EYS: variants seen among roughly 807,000 people sequenced by gnomAD.
EYS encodes protein eyes shut homolog.
A neutral mutation model predicts 282.1 loss-of-function variants in EYS; 250 were observed. The observed-to-expected ratio is 0.89, with a 90% CI of 0.80 to 0.98. The LOEUF (loss-of-function observed/expected upper bound fraction) is 0.98, where lower values mean the gene tolerates loss of function less well. Among genes scored for constraint, EYS ranks in the 50% least tolerant of loss-of-function variants. The pLI is 0.00. For missense variants in EYS, 4,016 were observed against 3,709.0 expected, an observed-to-expected ratio of 1.08 and a Z score of -2.15; for synonymous variants, 1,355 against 1,282.9, an observed-to-expected ratio of 1.06 and a Z score of -1.20.
chr6:64,048,270 A>T (rs1033792691), intron 33 of EYS, among the ~76,000 whole-genome samples: 6 of 152,078 alleles, frequency 3.9e-5, no homozygotes, highest in Admixed American at 6.6e-5. Context: ...AATGATCTGG[A>T]TCTCAGGGAC....
chr6:63,828,977 G>A (rs1194616462), intron 36 of EYS, among the ~76,000 whole-genome samples: 1 of 151,970 alleles, frequency 6.6e-6, no homozygotes, highest in African/African-American at 2.4e-5. Context: ...CCCACTACAG[G>A]GTATCTATTG....
At chr6:64,986,872 C>T (rs913433735) in intron 14 of EYS, among the ~76,000 whole-genome samples, 1 of 147,240 alleles carries the variant, frequency 6.8e-6, no homozygotes, top group Admixed American at 7.0e-5. Flanking sequence ...TATATTTAAG[C>T]CTAAAGAAAA....
intron 36 of EYS, among the ~76,000 whole-genome samples, chr6:63,831,677 G>A (rs1369636973): frequency 6.6e-6 from 1 of 152,092 alleles, no homozygotes; most frequent in African/African-American, 2.4e-5. Flanking sequence ...AGTTAACAAG[G>A]ATATCCAGGT....
chr6:64,323,800 C>A (rs1436104087), intron 29 of EYS, among the ~76,000 whole-genome samples: 1 of 152,034 alleles, frequency 6.6e-6, no homozygotes, highest in Non-Finnish European at 1.5e-5. Context: ...CCATAATGGA[C>A]ATATGGAGTG....
intron 35 of EYS, among the ~76,000 whole-genome samples, chr6:63,898,522 A>G (rs1773589726): frequency 6.6e-6 from 1 of 151,882 alleles, no homozygotes; most frequent in African/African-American, 2.4e-5. Flanking sequence ...AATAAATAAA[A>G]TAAAAAATGA....
At chr6:64,323,881 T>C (rs1016661328) in intron 29 of EYS, among the ~76,000 whole-genome samples, 5 of 152,132 alleles carry the variant, frequency 3.3e-5, no homozygotes, top group Non-Finnish European at 5.9e-5. Flanking sequence ...CCTTTCACTA[T>C]TGGAAGTGAT....
intron 36 of EYS, among the ~76,000 whole-genome samples, chr6:63,810,371 A>C (rs1014248356): frequency 2.7e-5 from 4 of 146,520 alleles, no homozygotes; most frequent in African/African-American, 5.0e-5. Context: ...TGCACAATGC[A>C]CAGAAGTGGC....
intron 28 of EYS, among the ~76,000 whole-genome samples, chr6:64,407,857 G>A (rs1208586309): frequency 1.3e-5 from 2 of 151,876 alleles, no homozygotes; most frequent in African/African-American, 4.8e-5. Context: ...TCAGCCTCCC[G>A]AGGAGCTGAG....
At chr6:65,392,019 T>G (rs1766057151) in intron 7 of EYS, among the ~76,000 whole-genome samples, 1 of 151,726 alleles carries the variant, frequency 6.6e-6, no homozygotes, top group African/African-American at 2.4e-5. Context: ...TAACGCCGCA[T>G]ATCTACAACT....
At chr6:64,376,745 C>A (rs140678491) in intron 29 of EYS, among the ~76,000 whole-genome samples, 1 of 152,096 alleles carries the variant, frequency 6.6e-6, no homozygotes, top group Non-Finnish European at 1.5e-5. Context: ...AAAGTAGATT[C>A]GTCATTTGAG....
At chr6:64,057,341 C>G (rs1771018851) in intron 33 of EYS, among the ~76,000 whole-genome samples, 1 of 150,778 alleles carries the variant, frequency 6.6e-6, no homozygotes, top group Non-Finnish European at 1.5e-5. Context: ...GAGGAGGAAT[C>G]TGGCATAGCT....
intron 36 of EYS, among the ~76,000 whole-genome samples, chr6:63,863,678 T>TTCTTTC (rs1554182918): frequency 8.7e-5 from 11 of 127,016 alleles, no homozygotes; most frequent in African/African-American, 3.6e-4. Flanking sequence ...CTTTTTTCTT[T>TTCTTTC]TTTTTTTTTT....
chr6:65,656,643 A>AC (rs1227498944), intron 1 of EYS, among the ~76,000 whole-genome samples: 1 of 151,936 alleles, frequency 6.6e-6, no homozygotes, highest in Non-Finnish European at 1.5e-5. Flanking sequence ...AAGAAGTTTG[A>AC]AACTAGCAGA....
intron 22 of EYS, among the ~76,000 whole-genome samples, chr6:64,709,716 C>T (rs961816409): frequency 6.6e-6 from 1 of 152,156 alleles, no homozygotes. Context: ...TATGAAAATT[C>T]GTCCTAGAGG....
chr6:64,063,436 A>T (rs1022729456), intron 33 of EYS, among the ~76,000 whole-genome samples: 9 of 151,984 alleles, frequency 5.9e-5, no homozygotes, highest in African/African-American at 2.2e-4. Context: ...TGACACCTCT[A>T]TTTTCACTCC....
intron 11 of EYS, among the ~76,000 whole-genome samples, chr6:65,318,176 A>AT (rs201347703): frequency 0.52 from 76,007 of 146,884 alleles, 19,647 homozygotes; most frequent in East Asian, 0.83. Context: ...TGGAGGCTCC[A>AT]TTTTTTTTTT....
chr6:64,827,407 C>T (rs2036079), intron 19 of EYS, among the ~76,000 whole-genome samples: 17 of 151,656 alleles, frequency 1.1e-4, no homozygotes, highest in Non-Finnish European at 2.2e-4. Flanking sequence ...TTTATCACTA[C>T]TTATTTGAGC....
At chr6:64,596,771 G>A (rs1270178331) in intron 24 of EYS, among the ~76,000 whole-genome samples, 1 of 152,088 alleles carries the variant, frequency 6.6e-6, no homozygotes, top group Non-Finnish European at 1.5e-5. Context: ...AGAAAACAGA[G>A]TAAATGCCTC....
At chr6:64,156,020 TTA>T (rs976549731) in intron 31 of EYS, among the ~76,000 whole-genome samples, 1 of 145,904 alleles carries the variant, frequency 6.9e-6, no homozygotes, top group Non-Finnish European at 1.5e-5. Context: ...GTGTGTATGT[TTA>T]TGTGTGTGTG....
Sources: allele counts gnomAD v4.1 joint callset (sites outside exome capture counted in the v4.1 genomes callset), GRCh38; gene constraint gnomAD v4.1.1; transcripts MANE v1.5; gene names NCBI Gene and HGNC (gene_info 2026-07-23, HGNC 2026-07-21).